The following SLC35F3 variants were observed in gnomAD, a reference collection of about 807,000 sequenced individuals.
SLC35F3 encodes the protein solute carrier family 35 member F3, also known as putative thiamine transporter SLC35F3.
A neutral mutation model predicts 49.9 loss-of-function variants in SLC35F3; 25 were observed. The ratio of observed to expected loss-of-function variants is 0.50; its 90% CI spans 0.37 to 0.70. SLC35F3 has a LOEUF of 0.70. Among genes scored for constraint, SLC35F3 ranks in the 30% least tolerant of loss-of-function variants. SLC35F3 has a pLI of 0.00. For synonymous variants in SLC35F3, 275 were observed against 265.4 expected (o/e 1.04, Z -0.35); for missense variants, 525 against 639.8 (o/e 0.82, Z 1.94).
chr1:234,225,356 T>G lies in SLC35F3; in HGVS notation c.284-6061T>G, dbSNP rs80221013. Among the ~76,000 whole-genome samples the G allele has an allele frequency of 2.9e-4, 38 of 133,204 alleles. No individual in the cohort carries two copies. In the East Asian group the frequency reaches 8.9e-3, roughly 31 times the overall value. 87.4% of individuals were successfully genotyped at this position (133,204 alleles called of 152,430 possible). A position where few individuals can be genotyped will look rare whatever the true frequency, so the allele number is the denominator to read the frequency against. ...TTCTAAGCTCCTCATTTTGCAAAAC[T>G]TTTTGGTTTGTTGGCCAGGTCCTGG... On this transcript the variant is annotated intron_variant, in intron 2 of 7. Coordinates refer to ENST00000366618, the MANE Select transcript of SLC35F3 (RefSeq NM_173508.4).
chr1:234,225,478 G>A (rs1345435241), intron 2 of SLC35F3, among the ~76,000 whole-genome samples: 1 of 152,116 alleles, frequency 6.6e-6, no homozygotes, highest in African/African-American at 2.4e-5. Flanking sequence ...TGAGGGATGG[G>A]GGAAGCTGGA....
intron 2 of SLC35F3, among the ~76,000 whole-genome samples, chr1:234,050,210 C>T (rs1664354527): frequency 6.6e-6 from 1 of 152,202 alleles, no homozygotes; most frequent in Admixed American, 6.5e-5. Flanking sequence ...GAGGAATCGC[C>T]ACACTGTCTT....
intron 2 of SLC35F3, among the ~76,000 whole-genome samples, chr1:234,188,819 C>G (rs1413357275): frequency 6.6e-6 from 1 of 152,186 alleles, no homozygotes; most frequent in African/African-American, 2.4e-5. Flanking sequence ...GCCACCGCCA[C>G]TGGAGCAAGT....
At chr1:234,182,130 T>C (rs1331103161) in intron 2 of SLC35F3, among the ~76,000 whole-genome samples, 1 of 152,238 alleles carries the variant, frequency 6.6e-6, no homozygotes, top group East Asian at 1.9e-4. Context: ...AGTAAGGTTT[T>C]TTCCAAATAT....
intron 2 of SLC35F3, among the ~76,000 whole-genome samples, chr1:234,198,232 G>T (rs1171170494): frequency 2.0e-5 from 3 of 152,192 alleles, no homozygotes; most frequent in Non-Finnish European, 4.4e-5. Flanking sequence ...TGATTATATG[G>T]ATTATGTACA....
At chr1:234,249,787 G>A (rs973587537) in intron 3 of SLC35F3, among the ~76,000 whole-genome samples, 1 of 152,184 alleles carries the variant, frequency 6.6e-6, no homozygotes, top group Non-Finnish European at 1.5e-5. Context: ...CAGGTATCTG[G>A]GGCATAATAA....
chr1:234,266,034 C>A (rs1281942929), intron 3 of SLC35F3, among the ~76,000 whole-genome samples: 1 of 152,188 alleles, frequency 6.6e-6, no homozygotes, highest in Non-Finnish European at 1.5e-5. Flanking sequence ...CTCCCTCTCT[C>A]CTGCCCAGCT....
chr1:234,029,671 A>C (rs1033142353), intron 2 of SLC35F3, among the ~76,000 whole-genome samples: 1 of 152,078 alleles, frequency 6.6e-6, no homozygotes, highest in African/African-American at 2.4e-5. Flanking sequence ...CCCTTTCCCA[A>C]CTGTTTCCCT....
At chr1:234,175,990 C>T (rs1318175243) in intron 2 of SLC35F3, among the ~76,000 whole-genome samples, 1 of 152,208 alleles carries the variant, frequency 6.6e-6, no homozygotes, top group Non-Finnish European at 1.5e-5. Context: ...GCCCACTCTC[C>T]CCTTCAAAGA....
At chr1:233,953,675 A>C (rs2102806373) in intron 2 of SLC35F3, among the ~76,000 whole-genome samples, 1 of 145,754 alleles carries the variant, frequency 6.9e-6, no homozygotes, top group African/African-American at 2.7e-5. Flanking sequence ...TTAGGAGAGA[A>C]GTGGTCACCT....
chr1:234,102,097 G>C (rs1665222815), intron 2 of SLC35F3, among the ~76,000 whole-genome samples: 1 of 152,198 alleles, frequency 6.6e-6, no homozygotes, highest in African/African-American at 2.4e-5. Context: ...TCTTCAGAAA[G>C]TATCACTACC....
At chr1:234,169,619 T>C (rs1350416179) in intron 2 of SLC35F3, among the ~76,000 whole-genome samples, 1 of 152,116 alleles carries the variant, frequency 6.6e-6, no homozygotes, top group Non-Finnish European at 1.5e-5. Context: ...ACAGCTCCAC[T>C]ACGGGAGGAG....
intron 2 of SLC35F3, among the ~76,000 whole-genome samples, chr1:234,011,533 T>C (rs1329403716): frequency 6.6e-6 from 1 of 152,104 alleles, no homozygotes; most frequent in African/African-American, 2.4e-5. Context: ...CAGAACTCCA[T>C]CACATTGCAA....
In SLC35F3 at chr1:234,107,875, G is replaced by A. The variant is rs555992162; in HGVS notation, c.284-123542G>A. ...AAAGTACACTTTATAGAAAAACATG[G>A]TTAGACTGACTGAGCAACTCCCTTT... On this transcript the variant is annotated intron_variant, in intron 2 of 7. Coordinates refer to ENST00000366618, the MANE Select transcript of SLC35F3 (RefSeq NM_173508.4). Among the ~76,000 whole-genome samples, 10 of 152,150 alleles carry A rather than the reference G, an allele frequency of 6.6e-5. No individual in the cohort carries two copies. The East Asian group carries it at 1.9e-3, about 29-fold the overall frequency.
intron 2 of SLC35F3, among the ~76,000 whole-genome samples, chr1:234,161,800 C>A (rs575460724): frequency 1.6e-4 from 24 of 152,076 alleles, no homozygotes; most frequent in Admixed American, 5.9e-4. Context: ...AGTGAGACCC[C>A]ATCTCAAAAA....
chr1:233,922,287 A>G (rs1662075966), intron 2 of SLC35F3, among the ~76,000 whole-genome samples: 2 of 152,096 alleles, frequency 1.3e-5, no homozygotes, highest in African/African-American at 4.8e-5. Context: ...ATTTCTCCAC[A>G]TCCTCTCCAG....
chr1:234,125,458 G>A (rs1422041754), intron 2 of SLC35F3, among the ~76,000 whole-genome samples: 2 of 152,124 alleles, frequency 1.3e-5, no homozygotes. Flanking sequence ...ACGTACTCAA[G>A]TATACTCCTC....
intron 3 of SLC35F3, among the ~76,000 whole-genome samples, chr1:234,249,324 A>G (rs1044485651): frequency 2.6e-5 from 4 of 152,146 alleles, no homozygotes; most frequent in African/African-American, 4.8e-5. Context: ...TCTATCCCAT[A>G]CGGAAGCTTC....
intron 2 of SLC35F3, among the ~76,000 whole-genome samples, chr1:234,167,319 G>A (rs965187077): frequency 2.0e-5 from 3 of 152,156 alleles, no homozygotes; most frequent in African/African-American, 7.2e-5. Context: ...GGAAACTGAG[G>A]CTCAGAGAAG....
Sources: allele counts gnomAD v4.1 joint callset (sites outside exome capture counted in the v4.1 genomes callset), GRCh38; gene constraint gnomAD v4.1.1; transcripts MANE v1.5; gene names NCBI Gene and HGNC (gene_info 2026-07-23, HGNC 2026-07-21).